Variants in ELOVL2 observed in about 807,000 individuals in gnomAD.
The protein encoded by ELOVL2 is ELOVL fatty acid elongase 2.
A neutral mutation model predicts 37.7 loss-of-function variants in ELOVL2; 38 were observed. The ratio of observed to expected loss-of-function variants is 1.01; its 90% CI spans 0.78 to 1.32. The LOEUF (loss-of-function observed/expected upper bound fraction) is 1.32, where lower values mean the gene tolerates loss of function less well. ELOVL2 is among the 40% of genes most tolerant of loss of function. The pLI is 0.00. For missense variants in ELOVL2, 352 were observed against 363.6 expected (o/e 0.97, Z 0.26); for synonymous variants, 115 against 122.3 (o/e 0.94, Z 0.40).
chr6:11,026,342 G>C (rs1436027643), intron 1 of ELOVL2, among the ~76,000 whole-genome samples: 1 of 152,134 alleles, frequency 6.6e-6, no homozygotes, highest in Non-Finnish European at 1.5e-5. Flanking sequence ...CATTTGCATA[G>C]CCTTAAAATA....
In ELOVL2 at chr6:11,044,086, G is replaced by A. The variant is rs551721651; in HGVS notation, c.3+142C>T. On this transcript the variant is annotated intron_variant, in intron 1 of 7. Coordinates refer to ENST00000354666, the MANE Select transcript of ELOVL2 (RefSeq NM_017770.4). The surrounding 1 kb of genome is among the most constrained non-coding windows in gnomAD (Gnocchi z 5.6). ...CCGCTCCCCAGGCCCGCGCGGACCC[G>A]GCCCCTCCGAGGGTAGCGGGTTCCA... The A allele has an allele frequency of 2.7e-6, 3 of 1,105,724 alleles. No individual in the cohort carries two copies. The highest frequency in any genetic ancestry group is 2.4e-5 in the South Asian group (1 of 42,152). 68.5% of individuals were successfully genotyped at this position (1,105,724 alleles called of 1,614,324 possible). A position where few individuals can be genotyped will look rare whatever the true frequency, so the allele number is the denominator to read the frequency against.
intron 1 of ELOVL2, among the ~76,000 whole-genome samples, chr6:11,021,071 C>T (rs113553837): frequency 0.019 from 2,828 of 152,280 alleles, 82 homozygotes; most frequent in African/African-American, 0.064. Flanking sequence ...TAAACAATTG[C>T]TATTAAGTCC....
chr6:11,028,585 T>C (rs1782870944), intron 1 of ELOVL2, among the ~76,000 whole-genome samples: 1 of 150,896 alleles, frequency 6.6e-6, no homozygotes, highest in South Asian at 2.1e-4. Flanking sequence ...AAGCTTGCTT[T>C]TTATGGTATT....
chr6:11,006,118 G>T (rs563927025), intron 2 of ELOVL2, among the ~76,000 whole-genome samples: 2 of 152,154 alleles, frequency 1.3e-5, no homozygotes, highest in Non-Finnish European at 2.9e-5. Flanking sequence ...AATTTGCCTA[G>T]TATCAGTAAT....
intron 7 of ELOVL2, among the ~76,000 whole-genome samples, chr6:10,985,634 G>A (rs1323180710): frequency 1.3e-5 from 2 of 151,658 alleles, no homozygotes; most frequent in Non-Finnish European, 2.9e-5. Context: ...TTTTTCTCAG[G>A]TTTGTCAAAG....
At chr6:11,034,945 G>A (rs1782984786) in intron 1 of ELOVL2, among the ~76,000 whole-genome samples, 1 of 152,132 alleles carries the variant, frequency 6.6e-6, no homozygotes, top group South Asian at 2.1e-4. Flanking sequence ...GGAGGTTGCA[G>A]TGAGCCGAAA....
chr6:11,020,546 AG>A (rs1782751205), intron 1 of ELOVL2, among the ~76,000 whole-genome samples: 1 of 152,176 alleles, frequency 6.6e-6, no homozygotes, highest in African/African-American at 2.4e-5. Context: ...TGCTCAGGGA[AG>A]GGGTACAAGA....
At chr6:11,025,702 A>G (rs1782828425) in intron 1 of ELOVL2, among the ~76,000 whole-genome samples, 1 of 152,092 alleles carries the variant, frequency 6.6e-6, no homozygotes, top group South Asian at 2.1e-4. Flanking sequence ...TTATGGATCA[A>G]TGTCTTCCCT....
chr6:11,008,233 C>T (rs76371864), intron 2 of ELOVL2, among the ~76,000 whole-genome samples: 1 of 152,140 alleles, frequency 6.6e-6, no homozygotes, highest in Non-Finnish European at 1.5e-5. Context: ...CCACTGTCAA[C>T]TGTCAATTTT....
chr6:11,013,820 T>C (rs1365121257), intron 1 of ELOVL2, among the ~76,000 whole-genome samples: 1 of 151,720 alleles, frequency 6.6e-6, no homozygotes, highest in Admixed American at 6.6e-5. Flanking sequence ...AGCCCCACAC[T>C]TTCAAGGCCC....
At chr6:10,986,951 A>G (rs949443763) in intron 7 of ELOVL2, among the ~76,000 whole-genome samples, 4 of 152,204 alleles carry the variant, frequency 2.6e-5, no homozygotes, top group Non-Finnish European at 5.9e-5. Flanking sequence ...TACCTCTGGT[A>G]GAATTCGGCT....
Position 10,983,588 on chromosome 6 carries a change from A to C in ELOVL2, c.*193T>G, listed in dbSNP as rs1326359832. ...TCTGAGGTCCTCGGAGGTGAGCATC[A>C]CCTCAATGCTGATCAAAGCATTCAG... On this transcript the variant is annotated 3_prime_UTR_variant, in exon 8 of 8. Transcript: ENST00000354666. The C allele has an allele frequency of 5.7e-6, 3 of 525,328 alleles. No individual in the cohort carries two copies. Among genetic ancestry groups the C allele is most frequent in the Non-Finnish European group, 6.2e-6 (2 of 324,340 alleles). 32.5% of individuals were successfully genotyped at this position (525,328 alleles called of 1,614,324 possible).
intron 1 of ELOVL2, among the ~76,000 whole-genome samples, chr6:11,013,444 A>G (rs923938364): frequency 1.4e-4 from 21 of 152,180 alleles, no homozygotes; most frequent in African/African-American, 4.8e-4. Flanking sequence ...TAGATTCTGT[A>G]TGTAAATGTC....
At chr6:11,029,207 C>T (rs561546794) in intron 1 of ELOVL2, among the ~76,000 whole-genome samples, 71 of 118,396 alleles carry the variant, frequency 6.0e-4, no homozygotes, top group African/African-American at 2.3e-3. Context: ...CAGCCCGGGG[C>T]GACAGAGGGA....
At chr6:11,043,533 G>C (rs1783145451) in intron 1 of ELOVL2, 1 of 149,270 alleles carries the variant, frequency 6.7e-6, no homozygotes, top group African/African-American at 2.5e-5. Flanking sequence ...CAGAGTGGAG[G>C]ACTGGCCTGG....
intron 2 of ELOVL2, 126 bp downstream of exon 2, chr6:11,010,620 T>A: frequency 2.6e-6 from 2 of 776,298 alleles, no homozygotes; most frequent in Non-Finnish European, 4.3e-6. Flanking sequence ...GTTGAGGAAG[T>A]TAAGTTTCTA....
intron 1 of ELOVL2, among the ~76,000 whole-genome samples, chr6:11,024,105 G>C (rs1412343729): frequency 3.3e-5 from 5 of 152,200 alleles, no homozygotes; most frequent in African/African-American, 9.7e-5. Context: ...GAAGAAAGAG[G>C]TGAAGAGTAT....
At chr6:11,001,165 T>TAG (rs777100360) in intron 3 of ELOVL2, among the ~76,000 whole-genome samples, 1 of 152,116 alleles carries the variant, frequency 6.6e-6, no homozygotes, top group African/African-American at 2.4e-5. Context: ...AATTAATTGT[T>TAG]AGAGAGAGAG....
chr6:10,997,446 T>A (rs1782289925), intron 4 of ELOVL2, among the ~76,000 whole-genome samples: 1 of 152,222 alleles, frequency 6.6e-6, no homozygotes, highest in Non-Finnish European at 1.5e-5. Context: ...TGTCTTTTTA[T>A]AATTAGTTTA....
Sources: allele counts gnomAD v4.1 joint callset (sites outside exome capture counted in the v4.1 genomes callset), GRCh38; gene constraint gnomAD v4.1.1; non-coding constraint Gnocchi (gnomAD v3.1); transcripts MANE v1.5; gene names NCBI Gene and HGNC (gene_info 2026-07-23, HGNC 2026-07-21).